The following CEP89 variants were observed in gnomAD, a reference collection of about 807,000 sequenced individuals.
CEP89 encodes centrosomal protein 89.
A neutral mutation model predicts 97.6 loss-of-function variants in CEP89; 95 were observed. That is an observed-to-expected ratio of 0.97 (90% CI 0.82 to 1.15). The LOEUF is 1.15. Among genes scored for constraint, CEP89 ranks in the 50% most tolerant of loss-of-function variants. The pLI is 0.00. For missense variants in CEP89, 869 were observed against 947.7 expected (o/e 0.92, Z 1.09); for synonymous variants, 354 against 349.1 (o/e 1.01, Z -0.16).
intron 5 of CEP89, among the ~76,000 whole-genome samples, chr19:32,942,214 T>G (rs745672821): frequency 1.3e-4 from 20 of 152,012 alleles, no homozygotes; most frequent in Non-Finnish European, 2.5e-4. Flanking sequence ...AAACCCCGTC[T>G]CTACAAAAAA....
intron 16 of CEP89, among the ~76,000 whole-genome samples, chr19:32,890,704 T>C (rs2098700): frequency 0.25 from 37,520 of 151,692 alleles, 5,521 homozygotes; most frequent in Non-Finnish European, 0.35. Context: ...CACCACACAC[T>C]CCTGTGATCC....
intron 1 of CEP89, 102 bp from the exon 2 acceptor site, chr19:32,966,568 C>T (rs1337989310): frequency 1.8e-6 from 1 of 551,952 alleles, no homozygotes; most frequent in Non-Finnish European, 2.9e-6. Context: ...CCTGCACTGG[C>T]CACCCATGGA....
intron 9 of CEP89, among the ~76,000 whole-genome samples, chr19:32,927,638 TC>T (rs532194711): frequency 1.1e-3 from 167 of 152,244 alleles, no homozygotes; most frequent in Non-Finnish European, 2.2e-3. Context: ...AGGGTCTCAT[TC>T]CATCACCCGG....
rs779845285 is a variant in CEP89 at position 32,931,465 on chromosome 19, T to C, written c.993A>G (p.Arg331=). The change falls in exon 9 of 19, where the codon CGA becomes CGG. Residue 331 remains arginine (R), a synonymous_variant. Transcript: ENST00000305768. ...TVHRLNVELS[R]YQTKFRHLSK... is the part of the protein sequence containing the mutation. ...ACAAATGCCTGAATTTTGTCTGATA[T>C]CGACTGAGTTCTACATTCAAACGAT... The C allele has an allele frequency of 1.3e-6, 2 of 1,591,686 alleles. No homozygotes were observed. Among genetic ancestry groups the C allele is most frequent in the South Asian group, 2.3e-5 (2 of 85,224 alleles).
At chr19:32,941,243 C>T (rs1329682308) in intron 5 of CEP89, among the ~76,000 whole-genome samples, 1 of 152,000 alleles carries the variant, frequency 6.6e-6, no homozygotes, top group Admixed American at 6.6e-5. Flanking sequence ...TGGCTCATGC[C>T]TGTAATCCCA....
rs145118303 is a variant in CEP89, at chr19:32,916,587, A to C, written c.1385-1070T>G. ...AACTTTTATTTTATGTCTTGTATCT[A>C]AAGTAAGTCATAAATATTTTCATCC... On this transcript the variant is annotated intron_variant, in intron 13 of 18. Coordinates refer to ENST00000305768, the MANE Select transcript of CEP89 (RefSeq NM_032816.5). Among the ~76,000 whole-genome samples, 397 of 152,316 alleles carry C rather than the reference A, an allele frequency of 2.6e-3. 3 individuals carry two copies. Among genetic ancestry groups the C allele is most frequent in the African/African-American group, 8.9e-3 (371 of 41,586 alleles).
intron 16 of CEP89, among the ~76,000 whole-genome samples, chr19:32,897,524 C>T (rs1435999523): frequency 5.9e-5 from 9 of 152,180 alleles, no homozygotes; most frequent in Non-Finnish European, 1.0e-4. Context: ...GCTCAGTCTC[C>T]AGGGCTTAAC....
intron 1 of CEP89, chr19:32,971,220 C>G: frequency 3.1e-6 from 1 of 319,184 alleles, no homozygotes; most frequent in East Asian, 4.9e-5. Flanking sequence ...TCGGATGGGA[C>G]TTGCTGATGG....
intron 17 of CEP89, among the ~76,000 whole-genome samples, chr19:32,886,345 G>A (rs1969394741): frequency 1.3e-5 from 2 of 152,126 alleles, no homozygotes; most frequent in Admixed American, 1.3e-4. Flanking sequence ...GGGCCAGAGT[G>A]TCCTTCCAGA....
At chr19:32,911,246 T>G (rs1969993690) in intron 14 of CEP89, among the ~76,000 whole-genome samples, 1 of 152,262 alleles carries the variant, frequency 6.6e-6, no homozygotes, top group Admixed American at 6.5e-5. Flanking sequence ...TGTATGTTTT[T>G]GTAGTTATGA....
intron 2 of CEP89, among the ~76,000 whole-genome samples, chr19:32,964,689 T>A (rs1011182341): frequency 1.3e-5 from 2 of 152,142 alleles, no homozygotes; most frequent in African/African-American, 4.8e-5. Context: ...GTAACTCCAC[T>A]TATATAAAAT....
chr19:32,935,336 T>C (rs1419249702), intron 7 of CEP89, among the ~76,000 whole-genome samples: 2 of 151,796 alleles, frequency 1.3e-5, no homozygotes, highest in Non-Finnish European at 2.9e-5. Flanking sequence ...CCCCAAGAGG[T>C]ATCAAACAGC....
At position 32,878,977 on chromosome 19, in the gene CEP89, A is replaced by AT; in HGVS notation, c.*184dup. On this transcript the variant is annotated 3_prime_UTR_variant, in exon 19 of 19. Transcript: ENST00000305768. ...ACCCTAGCTCTAAAAAAAAAAAAAAATTAAAAAATAAAGCAAAATGTTATC... is the reference window on the plus strand; with the variant it reads ...ACCCTAGCTCTAAAAAAAAAAAAAAATTTAAAAAATAAAGCAAAATGTTATC... 1 of 464,794 alleles carries AT rather than the reference A, an allele frequency of 2.2e-6. No homozygotes were observed. The allele number at this position is 464,794 out of a possible 1,614,324, so 28.8% of individuals were successfully genotyped here. A position where few individuals can be genotyped will look rare whatever the true frequency, so the allele number is the denominator to read the frequency against.
chr19:32,951,528 T>TACAC (rs1367738672), intron 4 of CEP89, among the ~76,000 whole-genome samples: 16 of 94,246 alleles, frequency 1.7e-4, no homozygotes, highest in East Asian at 1.0e-3. Context: ...TATATATATA[T>TACAC]ATATATACAC....
At chr19:32,942,006 A>G (rs1208421996) in intron 5 of CEP89, among the ~76,000 whole-genome samples, 1 of 152,224 alleles carries the variant, frequency 6.6e-6, no homozygotes, top group African/African-American at 2.4e-5. Context: ...TTTCATATTT[A>G]ATGGAGTCTT....
Position 32,911,554 on chromosome 19 carries a change from G to A in CEP89, c.1565+3783C>T, listed in dbSNP as rs186303001. 2.0e-3 allele frequency among the ~76,000 whole-genome samples: 308 copies of A among 152,350 alleles called. 1 individual carries two copies. The highest frequency in any genetic ancestry group is 7.0e-3 in the African/African-American group (292 of 41,582). ...TGTGGTCCCAGCTACTCAGGAGGCTGAAGCGGAGGATAGCTTGAGCCTAGG... is the reference window on the plus strand; with the variant it reads ...TGTGGTCCCAGCTACTCAGGAGGCTAAAGCGGAGGATAGCTTGAGCCTAGG... On this transcript the variant is annotated intron_variant, in intron 14 of 18. Transcript: ENST00000305768.
Position 32,965,690 on chromosome 19 carries a change from TGC to T in CEP89, c.146+668_146+669del, listed in dbSNP as rs1373410627. 3.5e-5 allele frequency among the ~76,000 whole-genome samples: 4 copies of T among 115,280 alleles called. No individual in the cohort carries two copies. In the South Asian group the frequency reaches 1.2e-3, roughly 35 times the overall value. The allele number at this position is 115,280 out of a possible 152,430, so 75.6% of individuals were successfully genotyped here. A position where few individuals can be genotyped will look rare whatever the true frequency, so the allele number is the denominator to read the frequency against. Reference sequence around the variant, plus strand: ...CAGCCTGGGCAACAGAGCAAGATCTTGCCTTGAAAAAAAAATTAATAATTAAA... The same window carrying T: ...CAGCCTGGGCAACAGAGCAAGATCTTCTTGAAAAAAAAATTAATAATTAAA... On this transcript the variant is annotated intron_variant, in intron 2 of 18. Coordinates refer to ENST00000305768, the MANE Select transcript of CEP89 (RefSeq NM_032816.5).
chr19:32,879,309 A>G lies in CEP89; in HGVS notation c.2205T>C (p.Leu735=), dbSNP rs761503150. 6 of 1,614,134 alleles carry G rather than the reference A, an allele frequency of 3.7e-6. No individual in the cohort carries two copies. In the African/African-American group the frequency reaches 8.0e-5, roughly 22 times the overall value. The change falls in exon 19 of 19, where the codon CTT becomes CTC. Residue 735 remains leucine (L), a synonymous_variant. Coordinates refer to ENST00000305768, the MANE Select transcript of CEP89 (RefSeq NM_032816.5). ...TFRENRRIRE[L]LQDTLTRTGV... is the part of the protein sequence containing the mutation. The stretch of plus-strand genomic sequence containing the variant: ...CTGTCCTCGTGAGTGTGTCCTGGAG[A>G]AGTTCTCGGATTCTTCGGTTTTCCC...
At chr19:32,905,075 A>G (rs1969860773) in intron 14 of CEP89, among the ~76,000 whole-genome samples, 1 of 152,090 alleles carries the variant, frequency 6.6e-6, no homozygotes, top group Non-Finnish European at 1.5e-5. Flanking sequence ...CAAACCTTCT[A>G]AGTTTTTCAT....
Sources: gnomAD v4.1 joint callset for allele counts (sites outside exome capture counted in the v4.1 genomes callset) on GRCh38, gnomAD v4.1.1 for gene constraint, MANE v1.5 for transcripts, NCBI Gene and HGNC (gene_info 2026-07-23, HGNC 2026-07-21) for gene names.